Variants in TMEM132D observed in about 807,000 individuals in gnomAD.
TMEM132D encodes transmembrane protein 132D, also known as mature OL transmembrane protein.
In TMEM132D, 21 loss-of-function variants were observed where a neutral mutation model predicts 62.3. The ratio of observed to expected loss-of-function variants is 0.34; its 90% CI spans 0.24 to 0.49. The LOEUF (loss-of-function observed/expected upper bound fraction) is 0.49. Among genes scored for constraint, TMEM132D ranks in the 20% least tolerant of loss-of-function variants. The pLI, the probability that TMEM132D is intolerant of heterozygous loss-of-function variation, is 0.99. For synonymous variants in TMEM132D, 621 were observed against 575.6 expected (o/e 1.08, Z -1.13); for missense variants, 1,346 against 1,402.8 (o/e 0.96, Z 0.65).
chr12:129,680,719 G>A (rs547349959), intron 2 of TMEM132D, among the ~76,000 whole-genome samples: 1 of 152,332 alleles, frequency 6.6e-6, no homozygotes, highest in Non-Finnish European at 1.5e-5. Flanking sequence ...AGAGGTGCTG[G>A]AATTGCTGAA....
chr12:129,741,886 T>C (rs1446204186), intron 1 of TMEM132D, among the ~76,000 whole-genome samples: 3 of 152,214 alleles, frequency 2.0e-5, no homozygotes, highest in African/African-American at 7.2e-5. Flanking sequence ...TGAAGTTTCA[T>C]CCTTAAGAGA....
chr12:129,426,233 C>T (rs1436388421), intron 3 of TMEM132D, among the ~76,000 whole-genome samples: 1 of 152,128 alleles, frequency 6.6e-6, no homozygotes, highest in South Asian at 2.1e-4. Context: ...GAGATGGCTA[C>T]ACCATCTCCC....
chr12:129,684,260 G>C (rs1216723917), intron 2 of TMEM132D, among the ~76,000 whole-genome samples: 1 of 152,080 alleles, frequency 6.6e-6, no homozygotes, highest in Non-Finnish European at 1.5e-5. Flanking sequence ...TGAATCGTGG[G>C]GGTAGTTACT....
At chr12:129,454,006 G>A (rs1873383367) in intron 3 of TMEM132D, among the ~76,000 whole-genome samples, 1 of 152,154 alleles carries the variant, frequency 6.6e-6, no homozygotes, top group Non-Finnish European at 1.5e-5. Flanking sequence ...TTCTAAAATG[G>A]GTACCAGGCA....
intron 1 of TMEM132D, among the ~76,000 whole-genome samples, chr12:129,801,184 C>T (rs528149364): frequency 2.0e-5 from 3 of 152,326 alleles, no homozygotes; most frequent in South Asian, 2.1e-4. Context: ...ACAAAGCAGC[C>T]GGGAAGCTCC....
At chr12:129,821,928 T>A (rs986079363) in intron 1 of TMEM132D, among the ~76,000 whole-genome samples, 32 of 152,294 alleles carry the variant, frequency 2.1e-4, no homozygotes, top group African/African-American at 7.2e-4. Flanking sequence ...ACAGGTTTCC[T>A]TTGTTGAAGA....
At chr12:129,247,030 G>A (rs369041666) in intron 4 of TMEM132D, among the ~76,000 whole-genome samples, 8 of 152,218 alleles carry the variant, frequency 5.3e-5, no homozygotes, top group South Asian at 2.1e-4. Context: ...GCTATAATAC[G>A]GATTTTCTTG....
chr12:129,725,757 TG>T (rs1232546391), intron 1 of TMEM132D, among the ~76,000 whole-genome samples: 1 of 152,246 alleles, frequency 6.6e-6, no homozygotes, highest in African/African-American at 2.4e-5. Context: ...GGCAGGCATC[TG>T]CACAGAAAAG....
At chr12:129,770,439 C>T (rs1228111772) in intron 1 of TMEM132D, among the ~76,000 whole-genome samples, 1 of 152,112 alleles carries the variant, frequency 6.6e-6, no homozygotes, top group East Asian at 1.9e-4. Context: ...ACTGTGCCTC[C>T]CCAGGATTCT....
At chr12:129,185,140 C>G (rs1878186273) in intron 5 of TMEM132D, among the ~76,000 whole-genome samples, 1 of 152,118 alleles carries the variant, frequency 6.6e-6, no homozygotes, top group African/African-American at 2.4e-5. Flanking sequence ...TTAGAATTCC[C>G]AGTTCTCCCT....
intron 5 of TMEM132D, among the ~76,000 whole-genome samples, chr12:129,118,835 T>C (rs1201636071): frequency 6.6e-6 from 1 of 152,190 alleles, no homozygotes; most frequent in Non-Finnish European, 1.5e-5. Context: ...AGAGGGCATC[T>C]CTCAGGCCCT....
At chr12:129,810,630 A>G (rs1053519882) in intron 1 of TMEM132D, among the ~76,000 whole-genome samples, 21 of 152,286 alleles carry the variant, frequency 1.4e-4, no homozygotes, top group African/African-American at 4.8e-4. Context: ...GGCCCCCAAA[A>G]TACCAGTGCA....
chr12:129,607,418 C>T lies in TMEM132D; in HGVS notation c.969-76213G>A, dbSNP rs191385116. On this transcript the variant is annotated intron_variant, in intron 2 of 8. Coordinates refer to ENST00000422113, the MANE Select transcript of TMEM132D (RefSeq NM_133448.3). ...GAATTCCTACGAAGGGTTGCTCCCA[C>T]GGTCAGGGCTGACCACCTGCAAGGC... 5.9e-5 allele frequency among the ~76,000 whole-genome samples: 9 copies of T among 152,328 alleles called. No homozygotes were observed. In the South Asian group the frequency reaches 6.2e-4, roughly 11 times the overall value.
At chr12:129,346,793 T>C (rs551469872) in intron 3 of TMEM132D, among the ~76,000 whole-genome samples, 25 of 152,290 alleles carry the variant, frequency 1.6e-4, no homozygotes, top group African/African-American at 6.0e-4. Flanking sequence ...GACATGATTG[T>C]ATATTTAGAA....
chr12:129,774,643 A>G (rs1188662940), intron 1 of TMEM132D, among the ~76,000 whole-genome samples: 1 of 152,244 alleles, frequency 6.6e-6, no homozygotes, highest in East Asian at 1.9e-4. Flanking sequence ...AAGAGCAGAA[A>G]CTAAGACCAA....
At chr12:129,647,957 G>A (rs1879829622) in intron 2 of TMEM132D, among the ~76,000 whole-genome samples, 1 of 152,146 alleles carries the variant, frequency 6.6e-6, no homozygotes, top group South Asian at 2.1e-4. Context: ...CTAACTTTGG[G>A]AGGAATTAAG....
At chr12:129,382,891 G>T (rs895718956) in intron 3 of TMEM132D, among the ~76,000 whole-genome samples, 1 of 152,188 alleles carries the variant, frequency 6.6e-6, no homozygotes, top group Non-Finnish European at 1.5e-5. Flanking sequence ...TCTTTTGGTA[G>T]AATTGTTATT....
At chr12:129,810,204 C>T (rs141643986) in intron 1 of TMEM132D, among the ~76,000 whole-genome samples, 3 of 151,850 alleles carry the variant, frequency 2.0e-5, no homozygotes, top group Admixed American at 6.6e-5. Context: ...GAAGTTATAG[C>T]GAAGACAAGA....
At chr12:129,604,977 CT>C (rs1261566678) in intron 2 of TMEM132D, among the ~76,000 whole-genome samples, 1 of 152,214 alleles carries the variant, frequency 6.6e-6, no homozygotes, top group Non-Finnish European at 1.5e-5. Flanking sequence ...TTTAGAACCT[CT>C]TTCCCACTTT....
Sources: gnomAD v4.1 joint callset for allele counts (sites outside exome capture counted in the v4.1 genomes callset) on GRCh38, gnomAD v4.1.1 for gene constraint, MANE v1.5 for transcripts, NCBI Gene and HGNC (gene_info 2026-07-23, HGNC 2026-07-21) for gene names.